The following FNTB variants were observed in gnomAD, a reference collection of about 807,000 sequenced individuals.
FNTB encodes the protein farnesyltransferase, CAAX box, subunit beta.
A neutral mutation model predicts 59.4 loss-of-function variants in FNTB; 27 were observed. That is an observed-to-expected ratio of 0.45 (90% CI 0.34 to 0.63). The LOEUF is 0.63. Ranked by LOEUF, FNTB falls within the 20% of genes least tolerant of loss-of-function variation. The probability of loss-of-function intolerance (pLI) is 0.02; values close to 1 mark genes in which losing one functional copy is unlikely to be tolerated. For missense variants in FNTB, 449 were observed against 559.6 expected, an observed-to-expected ratio of 0.80 and a Z score of 1.99; for synonymous variants, 230 against 220.7, an observed-to-expected ratio of 1.04 and a Z score of -0.37.
At chr14:65,050,735 A>G (rs533991023) in intron 9 of FNTB, among the ~76,000 whole-genome samples, 1 of 152,344 alleles carries the variant, frequency 6.6e-6, no homozygotes, top group East Asian at 1.9e-4. Flanking sequence ...GGGCTACTCC[A>G]CAGGGATTGT....
chr14:64,997,966 C>G lies in FNTB; in HGVS notation c.145-6283C>G, dbSNP rs1888463716. 6.6e-6 allele frequency among the ~76,000 whole-genome samples: 1 copy of G among 152,150 alleles called. No individual in the cohort carries two copies. Among genetic ancestry groups the G allele is most frequent in the South Asian group, 2.1e-4 (1 of 4,834 alleles). On this transcript the variant is annotated intron_variant, in intron 1 of 11. Coordinates refer to ENST00000246166, the MANE Select transcript of FNTB (RefSeq NM_002028.4). This position sits in a 1 kb window ranked among gnomAD's most constrained non-coding sequence, Gnocchi z 4.5. ...CAAAGTAATCCTTATGCCAAAGAAG[C>G]CTATCGTGGGAAGACATATTCTGGT... is the stretch of plus-strand genomic sequence containing the variant.
chr14:65,024,480 T>C (rs971757006), intron 4 of FNTB, among the ~76,000 whole-genome samples: 1 of 152,234 alleles, frequency 6.6e-6, no homozygotes, highest in African/African-American at 2.4e-5. Flanking sequence ...CTCTGTATTC[T>C]TTTATTAGCT....
rs2139512596 is a variant in FNTB, at chr14:65,012,495, A to G, written c.282+106A>G. Reference sequence around the variant, plus strand: ...GTTGGGGCTGACCTGTTGCAGAGTCACTCTTTGTTCTCTGTGGCTCTGGCA... The same window carrying G: ...GTTGGGGCTGACCTGTTGCAGAGTCGCTCTTTGTTCTCTGTGGCTCTGGCA... On this transcript the variant is annotated intron_variant, in intron 3 of 11. Coordinates refer to ENST00000246166, the MANE Select transcript of FNTB (RefSeq NM_002028.4). The surrounding 1 kb of genome is among the most constrained non-coding windows in gnomAD (Gnocchi z 5.0). 2 of 1,444,142 alleles carry G rather than the reference A, an allele frequency of 1.4e-6. No homozygotes were observed. The highest frequency in any genetic ancestry group is 9.5e-7 in the Non-Finnish European group (1 of 1,054,770). The allele number at this position is 1,444,142 out of a possible 1,614,324, so 89.5% of individuals were successfully genotyped here. A position where few individuals can be genotyped will look rare whatever the true frequency, so the allele number is the denominator to read the frequency against.
chr14:65,037,424 TTTTTTTTTTTTTTTTTTTTTTTG>T, intron 7 of FNTB, among the ~76,000 whole-genome samples: 2 of 113,106 alleles, frequency 1.8e-5, no homozygotes, highest in African/African-American at 3.7e-5. Flanking sequence ...TTTTTTTTTT[TTTTTTTTTTTTTTTTTTTTTTTG>T]AGACGTCTCT....
At chr14:65,042,368 G>A (rs985398732) in intron 8 of FNTB, among the ~76,000 whole-genome samples, 17 of 152,226 alleles carry the variant, frequency 1.1e-4, no homozygotes, top group African/African-American at 3.9e-4. Context: ...ATTTGGGGGT[G>A]ATGGGAGACA....
rs190669742 is a variant in FNTB at position 65,025,636 on chromosome 14, G to A, written c.375-1817G>A. Among the ~76,000 whole-genome samples the A allele has an allele frequency of 2.7e-3, 417 of 152,050 alleles. 3 individuals are homozygous for A. Among genetic ancestry groups the A allele is most frequent in the African/African-American group, 9.4e-3 (389 of 41,434 alleles). On this transcript the variant is annotated intron_variant, in intron 4 of 11. Coordinates refer to ENST00000246166, the MANE Select transcript of FNTB (RefSeq NM_002028.4). ...TCAAGACTAGCCTGGGCAACATGGC[G>A]AAACCCCATCTTTATAAAAAATACA...
chr14:65,013,869 G>A (rs768126248), intron 3 of FNTB, among the ~76,000 whole-genome samples: 1 of 152,160 alleles, frequency 6.6e-6, no homozygotes, highest in Non-Finnish European at 1.5e-5. Context: ...TTTAAATCTT[G>A]TAACTACATG....
chr14:65,052,508 C>T (rs533946080), intron 9 of FNTB, among the ~76,000 whole-genome samples: 42 of 152,318 alleles, frequency 2.8e-4, no homozygotes, highest in Admixed American at 7.2e-4. Context: ...TGTTTCTGCA[C>T]ACCTGTCCGT....
chr14:65,000,432 A>G (rs974393831), intron 1 of FNTB, among the ~76,000 whole-genome samples: 1 of 152,212 alleles, frequency 6.6e-6, no homozygotes, highest in African/African-American at 2.4e-5. Context: ...ATTTGGGCCA[A>G]GCTTGAAGAT....
chr14:65,054,574 G>C lies in FNTB; in HGVS notation c.1068-1G>C. On this transcript the variant is annotated splice_acceptor_variant, in intron 10 of 11. Coordinates refer to ENST00000246166, the MANE Select transcript of FNTB (RefSeq NM_002028.4). LOFTEE classifies it high-confidence loss of function. The surrounding 1 kb of genome is among the most constrained non-coding windows in gnomAD (Gnocchi z 4.4). ...CTGCTCAGAGCTGCCTGTCCTTACA[G>C]GTCGCGTGATTTCTACCACACCTGC... 2 of 1,612,336 alleles carry C rather than the reference G, an allele frequency of 1.2e-6. No individual in the cohort carries two copies. The highest frequency in any genetic ancestry group is 1.7e-6 in the Non-Finnish European group (2 of 1,179,308).
intron 1 of FNTB, among the ~76,000 whole-genome samples, chr14:64,988,468 A>C (rs973622158): frequency 9.2e-6 from 1 of 109,260 alleles, no homozygotes; most frequent in Non-Finnish European, 1.7e-5. Flanking sequence ...TTTTTTTGAG[A>C]TGGGGTCTCG....
chr14:65,032,339 T>C lies in FNTB; in HGVS notation c.606-271T>C, dbSNP rs1375531004. ...CACTTTTGACATGAATTGATATGGC[T>C]GTTATTTCCTCTGATGTAGATTGGA... On this transcript the variant is annotated intron_variant, in intron 6 of 11. Transcript: ENST00000246166. The surrounding 1 kb of genome is among the most constrained non-coding windows in gnomAD (Gnocchi z 5.0). The C allele has an allele frequency of 3.2e-6, 1 of 311,946 alleles. No individual in the cohort carries two copies. Among genetic ancestry groups the C allele is most frequent in the Admixed American group, 5.0e-5 (1 of 19,958 alleles). 19.3% of individuals were successfully genotyped at this position (311,946 alleles called of 1,614,324 possible).
chr14:65,006,236 A>C (rs764702387), intron 2 of FNTB: 4 of 1,613,504 alleles, frequency 2.5e-6, no homozygotes, highest in Non-Finnish European at 3.4e-6. Flanking sequence ...GGAAAAGGCA[A>C]GTGTTCATAA....
chr14:65,013,499 G>A (rs1203091980), intron 3 of FNTB, among the ~76,000 whole-genome samples: 1 of 152,128 alleles, frequency 6.6e-6, no homozygotes, highest in African/African-American at 2.4e-5. Context: ...GTTACAGTTG[G>A]TACCATATCA....
At chr14:65,051,746 A>G (rs1263325062) in intron 9 of FNTB, among the ~76,000 whole-genome samples, 1 of 152,026 alleles carries the variant, frequency 6.6e-6, no homozygotes, top group Non-Finnish European at 1.5e-5. Context: ...ATTTTCTCCA[A>G]AATGGGAAAG....
rs990504688 is a variant in FNTB at position 65,010,718 on chromosome 14, C to T, written c.210-1599C>T. Among the ~76,000 whole-genome samples the T allele has an allele frequency of 9.2e-5, 14 of 152,152 alleles. No individual in the cohort carries two copies. The East Asian group carries it at 2.5e-3, about 27-fold the overall frequency. On this transcript the variant is annotated intron_variant, in intron 2 of 11. Coordinates refer to ENST00000246166, the MANE Select transcript of FNTB (RefSeq NM_002028.4). ...TGCCTAGTAAATTGAGTAGAAATGC[C>T]TTAGTCAGCATCCCAGATCCTTGTT...
chr14:65,037,220 C>T (rs570959491), intron 7 of FNTB, among the ~76,000 whole-genome samples: 1 of 151,396 alleles, frequency 6.6e-6, no homozygotes, highest in East Asian at 1.9e-4. Flanking sequence ...TCTCCTGCCT[C>T]AGCCTCCTGA....
At chr14:65,013,693 G>A (rs1031693352) in intron 3 of FNTB, among the ~76,000 whole-genome samples, 8 of 152,118 alleles carry the variant, frequency 5.3e-5, no homozygotes, top group African/African-American at 1.7e-4. Context: ...GATTACAGGT[G>A]TGCACCATCA....
At chr14:65,045,205 G>A (rs954752407) in intron 9 of FNTB, among the ~76,000 whole-genome samples, 13 of 152,122 alleles carry the variant, frequency 8.5e-5, no homozygotes, top group African/African-American at 3.1e-4. Context: ...GTGAGAGCAG[G>A]TGTCTCTGAG....
Sources: allele counts gnomAD v4.1 joint callset (sites outside exome capture counted in the v4.1 genomes callset), GRCh38; gene constraint gnomAD v4.1.1; non-coding constraint Gnocchi (gnomAD v3.1); transcripts MANE v1.5; gene names NCBI Gene and HGNC (gene_info 2026-07-23, HGNC 2026-07-21).